Variants in STIM2 observed in about 807,000 individuals in gnomAD.
STIM2 encodes the protein stromal interaction molecule 2.
Under a neutral mutation model 85.8 loss-of-function variants are expected in STIM2, and 31 were observed. The ratio of observed to expected loss-of-function variants is 0.36; its 90% CI spans 0.27 to 0.49. The LOEUF is 0.49. STIM2 is among the 20% of genes least tolerant of loss of function. The pLI is 0.98. For missense variants in STIM2, 841 were observed against 927.6 expected (o/e 0.91, Z 1.21); for synonymous variants, 356 against 331.1 (o/e 1.08, Z -0.82).
intron 3 of STIM2, among the ~76,000 whole-genome samples, chr4:26,970,361 A>T (rs1171246043): frequency 6.6e-6 from 1 of 151,862 alleles, no homozygotes; most frequent in African/African-American, 2.4e-5. Context: ...ACTTATTTAC[A>T]TTAGGTATTT....
intron 1 of STIM2, among the ~76,000 whole-genome samples, chr4:26,893,858 A>C (rs1397256015): frequency 6.6e-6 from 1 of 151,674 alleles, no homozygotes; most frequent in African/African-American, 2.4e-5. Flanking sequence ...TCTTCTGTTC[A>C]TTTTTTTATT....
chr4:26,887,317 C>T (rs560912091), intron 1 of STIM2, among the ~76,000 whole-genome samples: 2 of 147,072 alleles, frequency 1.4e-5, no homozygotes, highest in South Asian at 4.3e-4. Flanking sequence ...TAAGATGTAT[C>T]TTGCTAATAA....
intron 3 of STIM2, among the ~76,000 whole-genome samples, chr4:26,966,996 T>G (rs937617823): frequency 1.3e-5 from 2 of 152,212 alleles, no homozygotes; most frequent in Non-Finnish European, 2.9e-5. Context: ...GCATCGACAT[T>G]AATTCTTTCA....
chr4:26,975,800 C>T (rs1727162565), intron 3 of STIM2, among the ~76,000 whole-genome samples: 1 of 152,208 alleles, frequency 6.6e-6, no homozygotes, highest in Admixed American at 6.5e-5. Flanking sequence ...CAGACAGGGA[C>T]ATTTAAGTCT....
intron 1 of STIM2, chr4:26,873,917 G>T: frequency 1.5e-6 from 2 of 1,365,032 alleles, no homozygotes; most frequent in Non-Finnish European, 2.1e-6. Flanking sequence ...GTGGACAGGG[G>T]CGCCTCCAGA....
At chr4:26,960,801 ATGCC>A (rs1209063807) in intron 3 of STIM2, among the ~76,000 whole-genome samples, 31 of 152,192 alleles carry the variant, frequency 2.0e-4, no homozygotes, top group Admixed American at 2.0e-3. Flanking sequence ...GCAGTGGCTC[ATGCC>A]TGTAATCCAG....
intron 1 of STIM2, among the ~76,000 whole-genome samples, chr4:26,909,115 G>C (rs146451426): frequency 6.6e-6 from 1 of 152,148 alleles, no homozygotes; most frequent in Non-Finnish European, 1.5e-5. Context: ...AACTGTTAAG[G>C]TAACAGTAAT....
At chr4:26,986,868 C>G (rs981690725) in intron 3 of STIM2, among the ~76,000 whole-genome samples, 5 of 152,188 alleles carry the variant, frequency 3.3e-5, no homozygotes, top group Non-Finnish European at 5.9e-5. Flanking sequence ...ATACATTCAG[C>G]TAATACTTAA....
chr4:26,861,578 C>T, intron 1 of STIM2: 1 of 644,306 alleles, frequency 1.6e-6, no homozygotes, highest in Non-Finnish European at 2.2e-6. Context: ...CCGAGCCTCT[C>T]GACGGCACTG....
chr4:27,013,378 G>A (rs955397786), intron 10 of STIM2, among the ~76,000 whole-genome samples: 1 of 151,844 alleles, frequency 6.6e-6, no homozygotes, highest in African/African-American at 2.4e-5. Flanking sequence ...TTTATTATAG[G>A]TATGTATGCA....
At chr4:26,989,507 C>T (rs574482874) in intron 3 of STIM2, among the ~76,000 whole-genome samples, 2 of 152,146 alleles carry the variant, frequency 1.3e-5, no homozygotes, top group Non-Finnish European at 2.9e-5. Context: ...CTGTGTGTTT[C>T]GTGCCGAATG....
intron 4 of STIM2, among the ~76,000 whole-genome samples, chr4:26,998,895 G>GAAT (rs894208910): frequency 6.5e-5 from 9 of 139,130 alleles, no homozygotes; most frequent in Non-Finnish European, 9.2e-5. Flanking sequence ...CTGGGTGACA[G>GAAT]AATGAGACTC....
intron 3 of STIM2, among the ~76,000 whole-genome samples, chr4:26,989,030 G>A (rs1403648703): frequency 1.3e-5 from 2 of 152,160 alleles, no homozygotes; most frequent in African/African-American, 4.8e-5. Context: ...TGTCTCCTGG[G>A]TTCAAGAGAT....
intron 3 of STIM2, among the ~76,000 whole-genome samples, chr4:26,965,386 G>T (rs1726677701): frequency 6.6e-6 from 1 of 152,028 alleles, no homozygotes; most frequent in Admixed American, 6.6e-5. Context: ...TACAAATTTG[G>T]CAAACATTGT....
intron 2 of STIM2, among the ~76,000 whole-genome samples, chr4:26,936,120 T>A (rs1444014927): frequency 1.3e-5 from 2 of 152,248 alleles, no homozygotes; most frequent in African/African-American, 4.8e-5. Context: ...TAAGAATCAT[T>A]GTGCAAGTTA....
chr4:26,940,581 C>T lies in STIM2; in HGVS notation c.283-17031C>T, dbSNP rs146230766. ...AGTGGTATCACTGTTTTACCTACAACGGAGGCTTAGTGCTCCAGCCTTATC... is the reference window on the plus strand; with the variant it reads ...AGTGGTATCACTGTTTTACCTACAATGGAGGCTTAGTGCTCCAGCCTTATC... On this transcript the variant is annotated intron_variant, in intron 2 of 11. Coordinates refer to ENST00000467087, the MANE Select transcript of STIM2 (RefSeq NM_020860.4). 1.6e-4 allele frequency among the ~76,000 whole-genome samples: 24 copies of T among 152,238 alleles called. No homozygotes were observed. The East Asian group carries it at 2.9e-3, about 18-fold the overall frequency.
At chr4:26,949,582 G>T (rs1265691823) in intron 2 of STIM2, among the ~76,000 whole-genome samples, 1 of 152,162 alleles carries the variant, frequency 6.6e-6, no homozygotes, top group Non-Finnish European at 1.5e-5. Flanking sequence ...AAAGAAAGTG[G>T]TAATAACCTC....
At chr4:26,945,253 G>A (rs1725775207) in intron 2 of STIM2, among the ~76,000 whole-genome samples, 1 of 152,072 alleles carries the variant, frequency 6.6e-6, no homozygotes, top group Admixed American at 6.5e-5. Context: ...AGTTTCATTT[G>A]TGTCCCTGCA....
At chr4:26,916,215 A>G (rs1055947326) in intron 1 of STIM2, among the ~76,000 whole-genome samples, 1 of 152,252 alleles carries the variant, frequency 6.6e-6, no homozygotes, top group African/African-American at 2.4e-5. Flanking sequence ...ATTCACAGCT[A>G]TTCTAAATTA....
Sources: gnomAD v4.1 joint callset for allele counts (sites outside exome capture counted in the v4.1 genomes callset) on GRCh38, gnomAD v4.1.1 for gene constraint, MANE v1.5 for transcripts, NCBI Gene and HGNC (gene_info 2026-07-23, HGNC 2026-07-21) for gene names.